SAMSN1: variants seen among roughly 807,000 people sequenced by gnomAD.
SAMSN1 encodes SAM domain, SH3 domain and nuclear localization signals 1, also known as SAM domain-containing protein SAMSN-1.
Under a neutral mutation model 42.0 loss-of-function variants are expected in SAMSN1, and 31 were observed. That is an observed-to-expected ratio of 0.74 (90% CI 0.55 to 1.00). The LOEUF is 1.00. SAMSN1 is among the 50% of genes least tolerant of loss of function. The pLI is 0.00. For synonymous variants in SAMSN1, 178 were observed against 151.9 expected (o/e 1.17, Z -1.26); for missense variants, 464 against 439.4 (o/e 1.06, Z -0.50).
intron 2 of SAMSN1, chr21:14,616,075 A>G (rs908271886): frequency 5.5e-5 from 27 of 489,300 alleles, no homozygotes; most frequent in Non-Finnish European, 9.4e-5. Flanking sequence ...AGACAAAACT[A>G]TATCAAGAGA....
chr21:14,595,396 G>A (rs1982228788), intron 6 of SAMSN1, among the ~76,000 whole-genome samples: 1 of 152,084 alleles, frequency 6.6e-6, no homozygotes, highest in Admixed American at 6.6e-5. Context: ...GGACTTCTCA[G>A]CCTCTAGAGC....
chr21:14,604,166 T>C (rs891998981), intron 5 of SAMSN1, among the ~76,000 whole-genome samples: 5 of 152,212 alleles, frequency 3.3e-5, no homozygotes, highest in African/African-American at 1.2e-4. Flanking sequence ...AAATGTTTTA[T>C]AAAGACAGAA....
chr21:14,648,893 C>T (rs1216150176), intron 1 of SAMSN1, among the ~76,000 whole-genome samples: 1 of 151,410 alleles, frequency 6.6e-6, no homozygotes, highest in African/African-American at 2.4e-5. Flanking sequence ...CTAGAAATAC[C>T]ATTTGACCCA....
chr21:14,578,236 CAG>C (rs983335794), intron 2 of SAMSN1, among the ~76,000 whole-genome samples: 2 of 152,112 alleles, frequency 1.3e-5, no homozygotes, highest in Non-Finnish European at 2.9e-5. Context: ...AACCACCTTA[CAG>C]AGTTGGAATT....
chr21:14,520,812 A>G (rs1978411851), intron 2 of SAMSN1, among the ~76,000 whole-genome samples: 1 of 151,510 alleles, frequency 6.6e-6, no homozygotes, highest in Non-Finnish European at 1.5e-5. Context: ...GTTATGTGGT[A>G]GCCTGGGATT....
chr21:14,532,700 T>G (rs1220353315), intron 1 of SAMSN1, among the ~76,000 whole-genome samples: 1 of 152,110 alleles, frequency 6.6e-6, no homozygotes, highest in Admixed American at 6.5e-5. Context: ...AACATTTGTT[T>G]TATTGGTAAT....
intron 1 of SAMSN1, among the ~76,000 whole-genome samples, chr21:14,651,329 C>T (rs1983833141): frequency 6.6e-6 from 1 of 151,902 alleles, no homozygotes; most frequent in African/African-American, 2.4e-5. Flanking sequence ...TTAGAAAGAT[C>T]ATTCATCGTC....
chr21:14,562,185 A>T (rs1980967650), intron 2 of SAMSN1, among the ~76,000 whole-genome samples: 1 of 152,260 alleles, frequency 6.6e-6, no homozygotes. Flanking sequence ...GGACACAGTT[A>T]GATATGTGGT....
At chr21:14,587,549 GATT>G (rs1179306627), upstream of SAMSN1, among the ~76,000 whole-genome samples, 1 of 151,846 alleles carries the variant, frequency 6.6e-6, no homozygotes, top group Non-Finnish European at 1.5e-5. Context: ...ATTACTTAAG[GATT>G]AACCCTGGCC....
intron 2 of SAMSN1, among the ~76,000 whole-genome samples, chr21:14,576,006 ATGAAGATG>A (rs1405804063): frequency 6.6e-6 from 1 of 152,252 alleles, no homozygotes; most frequent in Non-Finnish European, 1.5e-5. Flanking sequence ...AGGAAATAGT[ATGAAGATG>A]TGAAGATGGA....
rs189668007 is a variant in SAMSN1, at chr21:14,535,097, C to G, written c.57+11108G>C. On this transcript the variant is annotated intron_variant, in intron 1 of 7. Transcript: ENST00000400566. ...CAGATCATCAGGAACACGGGCCTCA[C>G]TCCACCAACCAAACCAGAAGATCTG... 2.3e-4 allele frequency among the ~76,000 whole-genome samples: 35 copies of G among 152,304 alleles called. 1 individual carries two copies. Among genetic ancestry groups the G allele is most frequent in the African/African-American group, 7.9e-4 (33 of 41,568 alleles).
upstream of SAMSN1, among the ~76,000 whole-genome samples, chr21:14,586,146 C>G (rs140268808): frequency 3.0e-4 from 46 of 150,830 alleles, no homozygotes; most frequent in South Asian, 7.3e-3. Flanking sequence ...ACCTGTGATC[C>G]CAGCTACTTG....
chr21:14,510,561 GC>G, intron 4 of SAMSN1, 100 bp from the exon 5 acceptor site: 1 of 1,353,748 alleles, frequency 7.4e-7, no homozygotes, highest in Non-Finnish European at 1.0e-6. Flanking sequence ...AACACTGGAT[GC>G]CAGGCTCCTG....
chr21:14,556,120 C>T (rs559695687), intron 2 of SAMSN1, among the ~76,000 whole-genome samples: 2 of 152,106 alleles, frequency 1.3e-5, no homozygotes, highest in African/African-American at 4.8e-5. Flanking sequence ...ACAGGAAGAA[C>T]AAGATCATTT....
At chr21:14,551,416 A>C (rs2123178133) in intron 2 of SAMSN1, among the ~76,000 whole-genome samples, 1 of 152,246 alleles carries the variant, frequency 6.6e-6, no homozygotes, top group East Asian at 1.9e-4. Context: ...AGATGTTTGA[A>C]TGTAAGAGAA....
At chr21:14,536,424 T>C (rs756117624) in intron 1 of SAMSN1, among the ~76,000 whole-genome samples, 2 of 152,228 alleles carry the variant, frequency 1.3e-5, no homozygotes, top group Non-Finnish European at 2.9e-5. Context: ...AAGGGGAGGC[T>C]ACACTTCTGT....
At chr21:14,583,045 G>A (rs9979685) in intron 1 of SAMSN1, among the ~76,000 whole-genome samples, 3,062 of 151,924 alleles carry the variant, frequency 0.02, 98 homozygotes, top group African/African-American at 0.069. Flanking sequence ...AAACAAGAAC[G>A]ACAAAAATTT....
At chr21:14,502,966 T>G (rs1397808462) in intron 5 of SAMSN1, among the ~76,000 whole-genome samples, 1 of 152,182 alleles carries the variant, frequency 6.6e-6, no homozygotes, top group East Asian at 1.9e-4. Flanking sequence ...CCCTTTGACT[T>G]TTAGCACTTT....
chr21:14,599,349 C>A lies in SAMSN1; in HGVS notation c.399+2674G>T, dbSNP rs151095100. On this transcript the variant is annotated intron_variant, in intron 6 of 15. Coordinates refer to the SAMSN1 transcript ENST00000647101. Reference sequence around the variant, plus strand: ...TGGTTTTATAAGCATCTGGCATTGCCCTTGCTTGCACTCACTTCATCCTGC... The same window carrying A: ...TGGTTTTATAAGCATCTGGCATTGCACTTGCTTGCACTCACTTCATCCTGC... Among the ~76,000 whole-genome samples, 234 of 152,246 alleles carry A rather than the reference C, an allele frequency of 1.5e-3. 1 individual carries two copies. Among genetic ancestry groups the A allele is most frequent in the Middle Eastern group, 0.01 (3 of 294 alleles).
Sources: allele counts gnomAD v4.1 joint callset (sites outside exome capture counted in the v4.1 genomes callset), GRCh38; gene constraint gnomAD v4.1.1; transcripts MANE v1.5; gene names NCBI Gene and HGNC (gene_info 2026-07-23, HGNC 2026-07-21).